Variants in ZNF407 observed in about 807,000 individuals in gnomAD.
ZNF407 encodes zinc finger protein 407.
A neutral mutation model predicts 131.2 loss-of-function variants in ZNF407; 17 were observed. The observed-to-expected ratio is 0.13, with a 90% CI of 0.09 to 0.19. The LOEUF is 0.19. Among genes scored for constraint, ZNF407 ranks in the 10% least tolerant of loss-of-function variants. The pLI is 1.00. For synonymous variants in ZNF407, 1,156 were observed against 1,062.0 expected, an observed-to-expected ratio of 1.09 and a Z score of -1.72; for missense variants, 2,681 against 2,830.6, an observed-to-expected ratio of 0.95 and a Z score of 1.20.
chr18:75,047,376 A>G (rs1016262716), intron 8 of ZNF407, among the ~76,000 whole-genome samples: 1 of 152,220 alleles, frequency 6.6e-6, no homozygotes, highest in African/African-American at 2.4e-5. Context: ...CGTACGAGTG[A>G]GGGAGTTACA....
chr18:74,831,037 C>A (rs753265197), intron 4 of ZNF407, among the ~76,000 whole-genome samples: 11 of 152,140 alleles, frequency 7.2e-5, no homozygotes, highest in Non-Finnish European at 1.6e-4. Context: ...CTTTCTGTTC[C>A]TGGCTTATTT....
At chr18:75,045,193 G>A (rs1391448513) in intron 8 of ZNF407, among the ~76,000 whole-genome samples, 3 of 152,176 alleles carry the variant, frequency 2.0e-5, no homozygotes, top group South Asian at 2.1e-4. Flanking sequence ...ACACGTGTAT[G>A]AAAAAATGTG....
chr18:74,756,009 T>C (rs1006384610), intron 3 of ZNF407, among the ~76,000 whole-genome samples: 1 of 141,454 alleles, frequency 7.1e-6, no homozygotes, highest in African/African-American at 2.6e-5. Flanking sequence ...TTCTTCTGCC[T>C]CAGCCTCCTT....
intron 4 of ZNF407, among the ~76,000 whole-genome samples, chr18:74,838,931 G>A (rs1272871700): frequency 1.3e-5 from 2 of 151,412 alleles, no homozygotes; most frequent in East Asian, 3.9e-4. Context: ...TTTTTAAATG[G>A]TTTATAATTT....
chr18:74,704,054 A>AG (rs1297085573), intron 3 of ZNF407, among the ~76,000 whole-genome samples: 1 of 152,112 alleles, frequency 6.6e-6, no homozygotes, highest in African/African-American at 2.4e-5. Context: ...CTTACATGTA[A>AG]GGGACACCGA....
intron 4 of ZNF407, among the ~76,000 whole-genome samples, chr18:74,837,510 C>T (rs1970574709): frequency 6.6e-6 from 1 of 151,980 alleles, no homozygotes; most frequent in African/African-American, 2.4e-5. Flanking sequence ...ATATCAACCA[C>T]TTCTAATATT....
intron 7 of ZNF407, among the ~76,000 whole-genome samples, chr18:74,909,872 G>C (rs1971645959): frequency 6.6e-6 from 1 of 152,152 alleles, no homozygotes; most frequent in Non-Finnish European, 1.5e-5. Flanking sequence ...ATACTTAGTA[G>C]TGTATGTTTG....
intron 8 of ZNF407, among the ~76,000 whole-genome samples, chr18:74,948,070 T>C (rs1025981561): frequency 6.6e-6 from 1 of 152,204 alleles, no homozygotes; most frequent in Non-Finnish European, 1.5e-5. Context: ...CTGTGGAAAG[T>C]AGGAGCTGCT....
chr18:74,787,862 C>T (rs1969749660), intron 4 of ZNF407, among the ~76,000 whole-genome samples: 1 of 152,196 alleles, frequency 6.6e-6, no homozygotes, highest in African/African-American at 2.4e-5. Context: ...AAGAAGTAAC[C>T]TCATAAAAGT....
intron 8 of ZNF407, among the ~76,000 whole-genome samples, chr18:74,965,238 T>C (rs535327032): frequency 9.6e-4 from 146 of 152,246 alleles, no homozygotes; most frequent in African/African-American, 2.9e-3. Flanking sequence ...TACCAAATGG[T>C]AGGTCTTATT....
chr18:75,064,724 G>A lies in ZNF407; in HGVS notation c.*256G>A, dbSNP rs746062252. 352 of 399,874 alleles carry A rather than the reference G, an allele frequency of 8.8e-4. No homozygotes were observed. Among genetic ancestry groups the A allele is most frequent in the Non-Finnish European group, 1.4e-3 (305 of 223,932 alleles). 24.8% of individuals were successfully genotyped at this position (399,874 alleles called of 1,614,324 possible). On this transcript the variant is annotated 3_prime_UTR_variant, in exon 9 of 9. Transcript: ENST00000299687. ...GGGCGCAGGCCGCACAGGGAGCTCC[G>A]GTCCACTGGGGGCCCTTCGATCAGT...
At chr18:74,906,761 C>A (rs528444322) in intron 7 of ZNF407, among the ~76,000 whole-genome samples, 1 of 152,160 alleles carries the variant, frequency 6.6e-6, no homozygotes, top group South Asian at 2.1e-4. Context: ...TATATGTGCA[C>A]AGATACTCTG....
At chr18:74,812,430 A>G (rs114818595) in intron 4 of ZNF407, among the ~76,000 whole-genome samples, 1,671 of 152,292 alleles carry the variant, frequency 0.011, 30 homozygotes, top group African/African-American at 0.037. Context: ...TGGTTTTCCC[A>G]TATTATTGTT....
intron 3 of ZNF407, among the ~76,000 whole-genome samples, chr18:74,677,698 C>CT (rs1388284500): frequency 6.6e-6 from 1 of 152,138 alleles, no homozygotes; most frequent in Non-Finnish European, 1.5e-5. Context: ...AGTCCTTGAA[C>CT]TTTTTTAAAA....
At chr18:74,747,287 C>G (rs538536966) in intron 3 of ZNF407, among the ~76,000 whole-genome samples, 17 of 152,180 alleles carry the variant, frequency 1.1e-4, no homozygotes, top group African/African-American at 3.9e-4. Context: ...ATAAAAATAC[C>G]TTGCATCCAG....
chr18:74,757,843 CTT>C (rs1599129279), intron 3 of ZNF407, among the ~76,000 whole-genome samples: 2 of 152,024 alleles, frequency 1.3e-5, no homozygotes, highest in Non-Finnish European at 2.9e-5. Flanking sequence ...TTTGTTCATT[CTT>C]TATAGAGTAC....
At chr18:74,796,814 G>A (rs771194998) in intron 4 of ZNF407, among the ~76,000 whole-genome samples, 17 of 152,026 alleles carry the variant, frequency 1.1e-4, no homozygotes, top group Non-Finnish European at 2.5e-4. Flanking sequence ...TCCTTGAGAC[G>A]GAATTTATCT....
chr18:74,947,599 C>A (rs1358516726), intron 8 of ZNF407, among the ~76,000 whole-genome samples: 1 of 152,216 alleles, frequency 6.6e-6, no homozygotes, highest in Non-Finnish European at 1.5e-5. Flanking sequence ...GAGAACAAAA[C>A]ATCGGCTGCT....
At chr18:74,843,935 A>G (rs529683692) in intron 4 of ZNF407, among the ~76,000 whole-genome samples, 9 of 152,306 alleles carry the variant, frequency 5.9e-5, no homozygotes, top group African/African-American at 2.2e-4. Context: ...TTAAATATGC[A>G]ACTTAGTTTA....
Sources: allele counts gnomAD v4.1 joint callset (sites outside exome capture counted in the v4.1 genomes callset), GRCh38; gene constraint gnomAD v4.1.1; transcripts MANE v1.5; gene names NCBI Gene and HGNC (gene_info 2026-07-23, HGNC 2026-07-21).